ANKS6: variants seen among roughly 807,000 people sequenced by gnomAD.
The protein encoded by ANKS6 is ankyrin repeat and sterile alpha motif domain containing 6, also known as ankyrin repeat and SAM domain-containing protein 6.
In ANKS6, 47 loss-of-function variants were observed where a neutral mutation model predicts 77.9. The ratio of observed to expected loss-of-function variants is 0.60; its 90% CI spans 0.48 to 0.77. The LOEUF (loss-of-function observed/expected upper bound fraction) is 0.77, where lower values mean the gene tolerates loss of function less well. Among genes scored for constraint, ANKS6 ranks in the 30% least tolerant of loss-of-function variants. The pLI is 0.00. For synonymous variants in ANKS6, 488 were observed against 501.7 expected (o/e 0.97, Z 0.37); for missense variants, 1,150 against 1,159.1 (o/e 0.99, Z 0.11).
At chr9:98,756,378 G>T (rs531883076) in intron 12 of ANKS6, 42 bp downstream of exon 12, 1 of 1,592,064 alleles carries the variant, frequency 6.3e-7, no homozygotes, top group Admixed American at 1.8e-5. Flanking sequence ...GGTCATCATG[G>T]TGAGAGGAAT....
Position 98,750,990 on chromosome 9 carries a change from A to G in ANKS6, c.2394+39T>C, listed in dbSNP as rs1477695083. On this transcript the variant is annotated intron_variant, in intron 13 of 14. Coordinates refer to ENST00000353234, the MANE Select transcript of ANKS6 (RefSeq NM_173551.5). ...ACATTTAGACAAATTTTTCTTTCAT[A>G]GTAAGATTTAAATTGACATTCAAAA... is the stretch of plus-strand genomic sequence containing the variant. 7 of 1,546,832 alleles carry G rather than the reference A, an allele frequency of 4.5e-6. No individual in the cohort carries two copies. The South Asian group carries it at 8.2e-5, about 18-fold the overall frequency.
chr9:98,778,171 G>A (rs959535743), intron 7 of ANKS6, 55 bp downstream of exon 7: 2 of 1,580,398 alleles, frequency 1.3e-6, no homozygotes, highest in Admixed American at 1.7e-5. Flanking sequence ...GAAGGGCAGA[G>A]GGTACAGGCT....
chr9:98,734,642 C>G lies in ANKS6; in HGVS notation c.*1877G>C, dbSNP rs1203041688. The G allele has an allele frequency of 8.3e-6, 8 of 958,492 alleles. No individual in the cohort carries two copies. The African/African-American group carries it at 1.4e-4, about 17-fold the overall frequency. 59.4% of individuals were successfully genotyped at this position (958,492 alleles called of 1,614,324 possible). A position where few individuals can be genotyped will look rare whatever the true frequency, so the allele number is the denominator to read the frequency against. ...GGTTCTGACCCCAGATCTGCTCCTT[C>G]TGGGCTGTTTAACTGGCAAGCTGCT... On this transcript the variant is annotated 3_prime_UTR_variant, in exon 15 of 15. Transcript: ENST00000353234.
Position 98,736,456 on chromosome 9 carries a change from T to C in ANKS6, c.*63A>G. ...AGTGTGACGGGGGCAGGGCTGGGGC[T>C]GTGGCCACGTGAAGGGGTCCCGGGA... On this transcript the variant is annotated 3_prime_UTR_variant, in exon 15 of 15. Coordinates refer to ENST00000353234, the MANE Select transcript of ANKS6 (RefSeq NM_173551.5). 2 of 1,525,470 alleles carry C rather than the reference T, an allele frequency of 1.3e-6. No individual in the cohort carries two copies. Among genetic ancestry groups the C allele is most frequent in the South Asian group, 2.6e-5 (2 of 76,790 alleles). 94.5% of individuals were successfully genotyped at this position (1,525,470 alleles called of 1,614,324 possible). A position where few individuals can be genotyped will look rare whatever the true frequency, so the allele number is the denominator to read the frequency against.
At chr9:98,783,697 A>T in intron 4 of ANKS6, 1 of 363,848 alleles carries the variant, frequency 2.7e-6, no homozygotes, top group East Asian at 4.2e-5. Flanking sequence ...ATCTCTCTGC[A>T]TAAAATGCTC....
Position 98,771,001 on chromosome 9 carries a change from C to G in ANKS6, c.1867G>C (p.Ala623Pro). 6.3e-7 allele frequency: 1 copy of G among 1,595,342 alleles called. No homozygotes were observed. Among genetic ancestry groups the G allele is most frequent in the South Asian group, 1.1e-5 (1 of 87,758 alleles). ...AAGTTTCCAGAATTGGCAGAAGAGG[C>G]TGGGCTTCTGGGGAGGCTTGGAAAT... ...VKFPSLPRSP[A>P]SSANSGNFNH... is the part of the protein sequence containing the mutation. The change falls in exon 10 of 15, where the codon GCC becomes CCC. Residue 623 changes from alanine to proline, a missense_variant. Transcript: ENST00000353234.
chr9:98,782,344 G>T, intron 5 of ANKS6, 123 bp downstream of exon 5: 2 of 863,420 alleles, frequency 2.3e-6, no homozygotes, highest in Non-Finnish European at 3.7e-6. Context: ...TGACACTTGA[G>T]AGTGACTTTC....
At chr9:98,784,472 G>C (rs1834457275) in intron 3 of ANKS6, 1 of 402,872 alleles carries the variant, frequency 2.5e-6, no homozygotes, top group Non-Finnish European at 4.4e-6. Flanking sequence ...GCGGGGTGAG[G>C]ATCGGGAAGG....
intron 13 of ANKS6, among the ~76,000 whole-genome samples, chr9:98,749,684 AC>A (rs1446707637): frequency 6.6e-6 from 1 of 152,230 alleles, no homozygotes; most frequent in East Asian, 1.9e-4. Flanking sequence ...GATCAGCAAT[AC>A]GGAAAGATTT....
chr9:98,771,007 T>C lies in ANKS6; in HGVS notation c.1861A>G (p.Ser621Gly). ...CCAGAATTGGCAGAAGAGGCTGGGC[T>C]TCTGGGGAGGCTTGGAAATTTAACA... is the stretch of plus-strand genomic sequence containing the variant. ...RPVKFPSLPRSPASSANSGNF... is the reference protein window; with the variant it reads ...RPVKFPSLPRGPASSANSGNF... Residue 621 changes from serine (S) to glycine (G), a missense_variant, in exon 10 of 15, where the codon AGC becomes GGC. Physicochemically the swap from Ser to Gly is moderately conservative, Grantham distance 56. Transcript: ENST00000353234. The C allele has an allele frequency of 6.3e-7, 1 of 1,594,188 alleles. No individual in the cohort carries two copies. Among genetic ancestry groups the C allele is most frequent in the Non-Finnish European group, 8.5e-7 (1 of 1,170,282 alleles).
At chr9:98,781,274 A>T (rs1200738548) in intron 5 of ANKS6, among the ~76,000 whole-genome samples, 1 of 152,234 alleles carries the variant, frequency 6.6e-6, no homozygotes, top group Non-Finnish European at 1.5e-5. Context: ...CACTTCATTT[A>T]AAAACCCAGT....
At chr9:98,774,724 T>G (rs971743612) in intron 8 of ANKS6, among the ~76,000 whole-genome samples, 1 of 152,234 alleles carries the variant, frequency 6.6e-6, no homozygotes, top group Non-Finnish European at 1.5e-5. Context: ...TAATTTTTAA[T>G]TTTGAAAATG....
chr9:98,732,684 G>A lies in ANKS6; in HGVS notation c.*3835C>T. The A allele has an allele frequency of 6.8e-7, 1 of 1,478,890 alleles. No individual in the cohort carries two copies. 91.6% of individuals were successfully genotyped at this position (1,478,890 alleles called of 1,614,324 possible). ...GAAAAGGGCTTTCTCACTTTCACAT[G>A]ATCCCTGGGGGCTACTATCCCCCTG... On this transcript the variant is annotated 3_prime_UTR_variant, in exon 15 of 15. Transcript: ENST00000353234.
intron 5 of ANKS6, among the ~76,000 whole-genome samples, chr9:98,780,768 T>C (rs910631263): frequency 6.6e-6 from 1 of 152,174 alleles, no homozygotes; most frequent in African/African-American, 2.4e-5. Context: ...TTTAGAGCAA[T>C]ACAAGTGCTT....
chr9:98,732,213 G>T lies in ANKS6; in HGVS notation c.*4306C>A. ...CCAGGAAGGGTCCCGGGCTCTTCAGGAGGCATTTACTTGGAAGTACAGGTC... is the reference window on the plus strand; with the variant it reads ...CCAGGAAGGGTCCCGGGCTCTTCAGTAGGCATTTACTTGGAAGTACAGGTC... On this transcript the variant is annotated 3_prime_UTR_variant, in exon 15 of 15. Transcript: ENST00000353234. The T allele has an allele frequency of 2.2e-6, 1 of 464,908 alleles. No individual in the cohort carries two copies. The highest frequency in any genetic ancestry group is 2.7e-5 in the South Asian group (1 of 37,204). The allele number at this position is 464,908 out of a possible 1,614,324, so 28.8% of individuals were successfully genotyped here. A position where few individuals can be genotyped will look rare whatever the true frequency, so the allele number is the denominator to read the frequency against.
chr9:98,788,092 G>A (rs1834678249), intron 2 of ANKS6, among the ~76,000 whole-genome samples: 1 of 152,176 alleles, frequency 6.6e-6, no homozygotes, highest in Admixed American at 6.5e-5. Flanking sequence ...AGTGGACAGT[G>A]ACCTTGGCCA....
chr9:98,736,406 G>A lies in ANKS6; in HGVS notation c.*113C>T, dbSNP rs1831502999. The A allele has an allele frequency of 6.9e-7, 1 of 1,441,944 alleles. No homozygotes were observed. The highest frequency in any genetic ancestry group is 2.5e-5 in the East Asian group (1 of 39,792). 89.3% of individuals were successfully genotyped at this position (1,441,944 alleles called of 1,614,324 possible). Reference sequence around the variant, plus strand: ...ACGTGAAGTGGGCATCCCGAGCAAAGGGAACAACATGACTAAGGCACAGCA... The same window carrying A: ...ACGTGAAGTGGGCATCCCGAGCAAAAGGAACAACATGACTAAGGCACAGCA... On this transcript the variant is annotated 3_prime_UTR_variant, in exon 15 of 15. Transcript: ENST00000353234.
In ANKS6 at chr9:98,756,440, C is replaced by A. The variant is rs1281971319; in HGVS notation, c.2306G>T (p.Ser769Ile). Residue 769 changes from serine to isoleucine, a missense_variant, in exon 12 of 15, where the codon AGT becomes ATT. Coordinates refer to ENST00000353234, the MANE Select transcript of ANKS6 (RefSeq NM_173551.5). The part of the protein sequence containing the change: ...RQSKSSGGSS[S>I]GTITDEDELT... ...CTCACCCTCATCTGTGATGGTGCCA[C>A]TGCTGGAGCCCCCACTGCTCTTGGA... The A allele has an allele frequency of 1.9e-6, 3 of 1,613,308 alleles. No homozygotes were observed. Among genetic ancestry groups the A allele is most frequent in the Middle Eastern group, 1.6e-4 (1 of 6,070 alleles).
chr9:98,766,546 AC>A (rs1833300875), intron 11 of ANKS6, among the ~76,000 whole-genome samples: 1 of 152,316 alleles, frequency 6.6e-6, no homozygotes, highest in South Asian at 2.1e-4. Flanking sequence ...ATCAGTAGAG[AC>A]TTTTTTCCTC....
Sources: gnomAD v4.1 joint callset for allele counts (sites outside exome capture counted in the v4.1 genomes callset) on GRCh38, gnomAD v4.1.1 for gene constraint, MANE v1.5 for transcripts, NCBI Gene and HGNC (gene_info 2026-07-23, HGNC 2026-07-21) for gene names.